The following BMPR2 variants were observed in gnomAD, a reference collection of about 807,000 sequenced individuals.
BMPR2 encodes the protein bone morphogenetic protein receptor type 2.
A neutral mutation model predicts 100.8 loss-of-function variants in BMPR2; 29 were observed. That is an observed-to-expected ratio of 0.29 (90% CI 0.21 to 0.39). The LOEUF is 0.39. Ranked by LOEUF, BMPR2 falls within the 10% of genes least tolerant of loss-of-function variation. The pLI is 1.00. For synonymous variants in BMPR2, 382 were observed against 442.3 expected (o/e 0.86, Z 1.71); for missense variants, 1,011 against 1,274.5 (o/e 0.79, Z 3.15).
chr2:202,525,009 T>C (rs1043186009), intron 7 of BMPR2, among the ~76,000 whole-genome samples: 5 of 152,078 alleles, frequency 3.3e-5, no homozygotes, highest in Non-Finnish European at 5.9e-5. Context: ...AAAAAAATGT[T>C]CTTTTGATTC....
chr2:202,540,575 T>G (rs1688251579), intron 9 of BMPR2, among the ~76,000 whole-genome samples: 1 of 152,220 alleles, frequency 6.6e-6, no homozygotes. Context: ...TTTGTAAATC[T>G]TTTTTAATAT....
intron 1 of BMPR2, among the ~76,000 whole-genome samples, chr2:202,406,552 C>T (rs1337008097): frequency 1.3e-5 from 2 of 152,186 alleles, no homozygotes; most frequent in Non-Finnish European, 2.9e-5. Flanking sequence ...AATGTAGTTT[C>T]ATGAGTGTGG....
At chr2:202,521,917 G>T (rs567012757) in intron 7 of BMPR2, among the ~76,000 whole-genome samples, 14 of 152,272 alleles carry the variant, frequency 9.2e-5, no homozygotes, top group African/African-American at 3.1e-4. Flanking sequence ...CACTTTGAAA[G>T]GCCAAGTGGA....
At chr2:202,465,795 GT>G (rs1172560829) in intron 2 of BMPR2, among the ~76,000 whole-genome samples, 5 of 152,096 alleles carry the variant, frequency 3.3e-5, no homozygotes, top group African/African-American at 4.8e-5. Flanking sequence ...GGAGCTTGCA[GT>G]GAGCCGAGAT....
In BMPR2 at chr2:202,377,655, C is replaced by G. The variant is rs569299116; in HGVS notation, c.76+105C>G. 3.5e-5 allele frequency: 47 copies of G among 1,357,710 alleles called. 1 individual carries two copies. The South Asian group carries it at 5.0e-4, about 14-fold the overall frequency. The allele number at this position is 1,357,710 out of a possible 1,614,324, so 84.1% of individuals were successfully genotyped here. On this transcript the variant is annotated intron_variant, in intron 1 of 12. Transcript: ENST00000374580. Reference sequence around the variant, plus strand: ...TGCTTGCCCTTCGCCATGCGTCCCCCCGATCGCGGTGCAGCGGAGCTGCGA... The same window carrying G: ...TGCTTGCCCTTCGCCATGCGTCCCCGCGATCGCGGTGCAGCGGAGCTGCGA...
intron 1 of BMPR2, among the ~76,000 whole-genome samples, chr2:202,386,884 T>C (rs1369230779): frequency 6.6e-6 from 1 of 152,072 alleles, no homozygotes; most frequent in Non-Finnish European, 1.5e-5. Context: ...GGGATTTCAC[T>C]GTGTTAGCCA....
chr2:202,479,975 T>C (rs1006357051), intron 3 of BMPR2, among the ~76,000 whole-genome samples: 10 of 152,086 alleles, frequency 6.6e-5, no homozygotes, highest in Admixed American at 2.0e-4. Flanking sequence ...TATTGTTGAG[T>C]TGTAAAAGTT....
At chr2:202,427,709 G>A (rs1422629145) in intron 1 of BMPR2, among the ~76,000 whole-genome samples, 1 of 152,144 alleles carries the variant, frequency 6.6e-6, no homozygotes, top group Non-Finnish European at 1.5e-5. Context: ...TGGACATTGT[G>A]GCTCACGCCT....
chr2:202,541,495 T>G (rs1653387874), intron 9 of BMPR2, among the ~76,000 whole-genome samples: 1 of 152,174 alleles, frequency 6.6e-6, no homozygotes, highest in Admixed American at 6.5e-5. Context: ...AATATTTTTG[T>G]AACATTTGAT....
rs981003998 is a variant in BMPR2, at chr2:202,564,103, A to G, written c.*4157A>G. 1 of 152,214 alleles carries G rather than the reference A, an allele frequency of 6.6e-6. No individual in the cohort carries two copies. Among genetic ancestry groups the G allele is most frequent in the African/African-American group, 2.4e-5 (1 of 41,470 alleles). The allele number at this position is 152,214 out of a possible 1,614,324, so 9.4% of individuals were successfully genotyped here. The stretch of plus-strand genomic sequence containing the variant: ...ACTTCTACAGCCAAGTGGAATTGGT[A>G]GGCTGTAGCTGTTACACTGAAATTT... On this transcript the variant is annotated 3_prime_UTR_variant, in exon 13 of 13. Coordinates refer to ENST00000374580, the MANE Select transcript of BMPR2 (RefSeq NM_001204.7).
At chr2:202,463,857 A>G (rs185863316) in intron 1 of BMPR2, among the ~76,000 whole-genome samples, 1 of 152,298 alleles carries the variant, frequency 6.6e-6, no homozygotes, top group East Asian at 1.9e-4. Context: ...GATAATTTGA[A>G]TAACAGAAAG....
intron 3 of BMPR2, among the ~76,000 whole-genome samples, chr2:202,476,782 C>A (rs920547075): frequency 2.0e-5 from 3 of 150,994 alleles, no homozygotes; most frequent in Admixed American, 2.0e-4. Context: ...GAGCGAGACT[C>A]AAAAAAAATA....
chr2:202,394,824 A>G (rs1247531848), intron 1 of BMPR2, among the ~76,000 whole-genome samples: 1 of 152,110 alleles, frequency 6.6e-6, no homozygotes, highest in Non-Finnish European at 1.5e-5. Flanking sequence ...TCCAGAGTCT[A>G]GAAAGTGACA....
At chr2:202,550,629 A>T (rs1226863142) in intron 10 of BMPR2, among the ~76,000 whole-genome samples, 3 of 151,842 alleles carry the variant, frequency 2.0e-5, no homozygotes, top group Non-Finnish European at 2.9e-5. Context: ...CCGAGGCAGA[A>T]GGAACATTTT....
At chr2:202,508,974 T>C (rs1241668365) in intron 3 of BMPR2, among the ~76,000 whole-genome samples, 2 of 152,234 alleles carry the variant, frequency 1.3e-5, no homozygotes, top group Admixed American at 6.5e-5. Context: ...TAGGACACAG[T>C]TGACAAATTT....
At chr2:202,403,089 A>G (rs1280030692) in intron 1 of BMPR2, among the ~76,000 whole-genome samples, 3 of 151,684 alleles carry the variant, frequency 2.0e-5, no homozygotes, top group African/African-American at 4.8e-5. Flanking sequence ...CGGCCTCCCA[A>G]AGTGCCGGGA....
At chr2:202,378,933 T>C (rs928934595) in intron 1 of BMPR2, among the ~76,000 whole-genome samples, 10 of 152,214 alleles carry the variant, frequency 6.6e-5, no homozygotes, top group Non-Finnish European at 1.3e-4. Flanking sequence ...ATTCTTAACC[T>C]TTTTAGAATA....
chr2:202,498,615 G>T (rs1382055006), intron 3 of BMPR2, among the ~76,000 whole-genome samples: 2 of 152,160 alleles, frequency 1.3e-5, no homozygotes. Flanking sequence ...AAAACCACGG[G>T]CGGTTTTGTC....
chr2:202,522,144 G>A (rs1032311632), intron 7 of BMPR2, among the ~76,000 whole-genome samples: 5 of 152,040 alleles, frequency 3.3e-5, no homozygotes, highest in Non-Finnish European at 5.9e-5. Context: ...GAGTGACAGA[G>A]TGAGACCCTG....
Sources: allele counts gnomAD v4.1 joint callset (sites outside exome capture counted in the v4.1 genomes callset), GRCh38; gene constraint gnomAD v4.1.1; transcripts MANE v1.5; gene names NCBI Gene and HGNC (gene_info 2026-07-23, HGNC 2026-07-21).